The following RAPGEF4 variants were observed in gnomAD, a reference collection of about 807,000 sequenced individuals.
RAPGEF4 encodes Rap guanine nucleotide exchange factor 4, also known as RAP guanine-nucleotide-exchange factor (GEF) 4.
A neutral mutation model predicts 147.9 loss-of-function variants in RAPGEF4; 66 were observed. The observed-to-expected ratio is 0.45, with a 90% CI of 0.37 to 0.55. The LOEUF is 0.55. Among genes scored for constraint, RAPGEF4 ranks in the 20% least tolerant of loss-of-function variants. The pLI, the probability that RAPGEF4 is intolerant of heterozygous loss-of-function variation, is 0.00. For synonymous variants in RAPGEF4, 419 were observed against 442.7 expected, an observed-to-expected ratio of 0.95 and a Z score of 0.67; for missense variants, 1,071 against 1,257.3, an observed-to-expected ratio of 0.85 and a Z score of 2.24.
intron 1 of RAPGEF4, among the ~76,000 whole-genome samples, chr2:172,761,695 A>G (rs539863970): frequency 6.6e-6 from 1 of 152,348 alleles, no homozygotes; most frequent in South Asian, 2.1e-4. Flanking sequence ...GAGTAAATAT[A>G]TGAAGCACAG....
intron 4 of RAPGEF4, among the ~76,000 whole-genome samples, chr2:172,818,731 T>C (rs1044060226): frequency 1.3e-5 from 2 of 152,218 alleles, no homozygotes; most frequent in African/African-American, 4.8e-5. Context: ...AGTCAAAAAG[T>C]AGTCCTTTAA....
chr2:172,944,056 C>T (rs1354460703), intron 6 of RAPGEF4, among the ~76,000 whole-genome samples: 2 of 152,286 alleles, frequency 1.3e-5, no homozygotes, highest in African/African-American at 4.8e-5. Flanking sequence ...AATAAAAACA[C>T]TTAATACATA....
intron 1 of RAPGEF4, among the ~76,000 whole-genome samples, chr2:172,738,571 G>A (rs1694019317): frequency 6.6e-6 from 1 of 152,166 alleles, no homozygotes; most frequent in African/African-American, 2.4e-5. Context: ...ATATGAATAT[G>A]CTAATTTCTT....
intron 4 of RAPGEF4, among the ~76,000 whole-genome samples, chr2:172,826,288 T>A (rs1236336723): frequency 6.6e-6 from 1 of 152,246 alleles, no homozygotes; most frequent in Non-Finnish European, 1.5e-5. Flanking sequence ...CTGCCTTCTC[T>A]TTTCCACTGT....
At chr2:172,840,209 C>T (rs1019450676) in intron 4 of RAPGEF4, among the ~76,000 whole-genome samples, 1 of 152,164 alleles carries the variant, frequency 6.6e-6, no homozygotes, top group Non-Finnish European at 1.5e-5. Context: ...GTTTATGGCT[C>T]TCTATTCCTG....
chr2:172,916,802 G>A (rs994880609), intron 4 of RAPGEF4, among the ~76,000 whole-genome samples: 7 of 152,162 alleles, frequency 4.6e-5, no homozygotes, highest in Non-Finnish European at 8.8e-5. Context: ...CCAATACTGC[G>A]TGCTGCCAGC....
At chr2:172,866,715 C>A (rs550781132) in intron 4 of RAPGEF4, among the ~76,000 whole-genome samples, 1 of 152,040 alleles carries the variant, frequency 6.6e-6, no homozygotes, top group African/African-American at 2.4e-5. Context: ...TTTTCTGGCC[C>A]AAACCAATAA....
chr2:173,024,685 G>C (rs12618296), intron 23 of RAPGEF4, among the ~76,000 whole-genome samples: 5,919 of 152,110 alleles, frequency 0.039, 150 homozygotes, highest in South Asian at 0.078. Context: ...ACACTCAAGA[G>C]ATTAGGGAAT....
At chr2:172,750,581 A>C (rs1320875002) in intron 1 of RAPGEF4, among the ~76,000 whole-genome samples, 1 of 152,190 alleles carries the variant, frequency 6.6e-6, no homozygotes, top group Non-Finnish European at 1.5e-5. Context: ...GGACACAGCC[A>C]AACCATATCA....
intron 17 of RAPGEF4, among the ~76,000 whole-genome samples, chr2:173,006,901 G>A (rs774032363): frequency 3.3e-5 from 5 of 152,148 alleles, no homozygotes; most frequent in Admixed American, 1.3e-4. Context: ...ATATGTCACC[G>A]TCAGAGGAAT....
chr2:172,804,445 T>C (rs1468244317), intron 3 of RAPGEF4, among the ~76,000 whole-genome samples: 4 of 152,204 alleles, frequency 2.6e-5, no homozygotes, highest in Non-Finnish European at 4.4e-5. Context: ...TTACAGAGCA[T>C]TTCAGGAACT....
At chr2:172,899,944 G>A (rs1272865884) in intron 4 of RAPGEF4, among the ~76,000 whole-genome samples, 1 of 152,230 alleles carries the variant, frequency 6.6e-6, no homozygotes, top group Non-Finnish European at 1.5e-5. Context: ...AGGGAACGCT[G>A]TGGCTTTGTT....
chr2:173,032,535 A>G (rs1040229354), intron 26 of RAPGEF4, among the ~76,000 whole-genome samples: 3 of 152,244 alleles, frequency 2.0e-5, no homozygotes, highest in Admixed American at 6.5e-5. Context: ...TAAATGGACT[A>G]AATTCAGTAA....
At chr2:172,854,530 T>A (rs750236834) in intron 4 of RAPGEF4, among the ~76,000 whole-genome samples, 1 of 152,136 alleles carries the variant, frequency 6.6e-6, no homozygotes, top group Non-Finnish European at 1.5e-5. Context: ...ATTCTGACAA[T>A]TTCTGTTTTT....
At chr2:172,814,168 CA>C in intron 3 of RAPGEF4, 110 bp from the exon 4 acceptor site, 1 of 1,043,632 alleles carries the variant, frequency 9.6e-7, no homozygotes, top group Non-Finnish European at 1.4e-6. Flanking sequence ...TTGAACTATG[CA>C]ATTAAATTGG....
At chr2:172,913,654 AT>A (rs1173530611) in intron 4 of RAPGEF4, among the ~76,000 whole-genome samples, 1 of 151,624 alleles carries the variant, frequency 6.6e-6, no homozygotes, top group East Asian at 1.9e-4. Context: ...TTCCTTTAAA[AT>A]TTTTTTTGTT....
intron 1 of RAPGEF4, among the ~76,000 whole-genome samples, chr2:172,773,666 C>T (rs556973983): frequency 2.0e-5 from 3 of 149,552 alleles, no homozygotes; most frequent in Non-Finnish European, 4.4e-5. Context: ...GACCATCCTA[C>T]CCAACAGCCT....
In RAPGEF4 at chr2:172,858,450, C is replaced by G. The variant is rs566188087; in HGVS notation, c.444+44025C>G. Among the ~76,000 whole-genome samples the G allele has an allele frequency of 1.5e-4, 23 of 152,252 alleles. No homozygotes were observed. In the East Asian group the frequency reaches 3.9e-3, roughly 26 times the overall value. On this transcript the variant is annotated intron_variant, in intron 4 of 30. Coordinates refer to ENST00000397081, the MANE Select transcript of RAPGEF4 (RefSeq NM_007023.4). The stretch of plus-strand genomic sequence containing the variant: ...TCTCTCAGCATCCCAAACCAGTGCT[C>G]GGATACCATACTCCAGTGACCGGCC...
intron 17 of RAPGEF4, among the ~76,000 whole-genome samples, chr2:173,012,361 G>A (rs184491150): frequency 6.6e-6 from 1 of 152,012 alleles, no homozygotes; most frequent in African/African-American, 2.4e-5. Flanking sequence ...CATTTATAGG[G>A]GTTGGCATTC....
Sources: gnomAD v4.1 joint callset for allele counts (sites outside exome capture counted in the v4.1 genomes callset) on GRCh38, gnomAD v4.1.1 for gene constraint, MANE v1.5 for transcripts, NCBI Gene and HGNC (gene_info 2026-07-23, HGNC 2026-07-21) for gene names.